Variants in RPL5 observed in about 807,000 individuals in gnomAD.
The protein encoded by RPL5 is large ribosomal subunit protein uL18.
RPL5 carries 1 observed loss-of-function variant against 38.4 expected under a neutral mutation model. The observed-to-expected ratio is 0.03, with a 90% CI of 0.01 to 0.12. The LOEUF (loss-of-function observed/expected upper bound fraction) is 0.12. Among genes scored for constraint, RPL5 ranks in the 10% least tolerant of loss-of-function variants. The probability of loss-of-function intolerance (pLI) is 1.00; values close to 1 mark genes in which losing one functional copy is unlikely to be tolerated. For synonymous variants in RPL5, 109 were observed against 121.2 expected (o/e 0.90, Z 0.66); for missense variants, 243 against 374.1 (o/e 0.65, Z 2.89).
intron 4 of RPL5, chr1:92,835,344 A>T (rs1163841047): frequency 3.8e-6 from 1 of 261,400 alleles, no homozygotes; most frequent in Non-Finnish European, 7.6e-6. Context: ...CAAGTGATTT[A>T]TATGCACATT....
At chr1:92,839,417 T>G (rs1687265085) in intron 6 of RPL5, among the ~76,000 whole-genome samples, 1 of 152,200 alleles carries the variant, frequency 6.6e-6, no homozygotes, top group African/African-American at 2.4e-5. Context: ...GGAAAACTTC[T>G]GACATCTTTC....
At position 92,840,639 on chromosome 1, in the gene RPL5, G is replaced by A; in HGVS notation, c.794G>A (p.Arg265Lys). 1 of 1,605,428 alleles carries A rather than the reference G, an allele frequency of 6.2e-7. No homozygotes were observed. Among genetic ancestry groups the A allele is most frequent in the Non-Finnish European group, 8.5e-7 (1 of 1,178,146 alleles). Residue 265 changes from arginine (R) to lysine (K), a missense_variant and splice_region_variant, in exon 7 of 8, where the codon AGG (arginine) becomes AAG (lysine). By Grantham distance (26) the Arg-to-Lys change is conservative. Transcript: ENST00000370321. ...CCCAAGAAAGAAGTTAAAAAGAAGA[G>A]GTATGTCGTCTTTTTTTTTGTCTTT... ...KKPKKEVKKK[R>K]WNRPKMSLAQ...
Position 92,840,588 on chromosome 1 carries a change from G to A in RPL5, c.743G>A (p.Arg248Gln), listed in dbSNP as rs749410848. 5 of 1,612,844 alleles carry A rather than the reference G, an allele frequency of 3.1e-6. No individual in the cohort carries two copies. Among genetic ancestry groups the A allele is most frequent in the African/African-American group, 1.3e-5 (1 of 74,890 alleles). Residue 248 changes from arginine (R) to glutamine (Q), a missense_variant, in exon 7 of 8, where the codon CGA (arginine) becomes CAA (glutamine). Physicochemically the swap from Arg to Gln is conservative, Grantham distance 43. Coordinates refer to ENST00000370321, the MANE Select transcript of RPL5 (RefSeq NM_000969.5). ...EMYKKAHAAI[R>Q]ENPVYEKKPK... ...TATAAGAAAGCTCATGCTGCTATAC[G>A]AGAGAATCCAGTCTATGAAAAGAAG... is the stretch of plus-strand genomic sequence containing the variant.
chr1:92,838,093 T>C (rs1196950925), intron 6 of RPL5, among the ~76,000 whole-genome samples: 1 of 152,216 alleles, frequency 6.6e-6, no homozygotes, highest in Non-Finnish European at 1.5e-5. Context: ...CCCAAAGTGC[T>C]GGGCTTACAG....
intron 3 of RPL5, 34 bp downstream of exon 3, chr1:92,833,694 T>A: frequency 6.5e-7 from 1 of 1,545,032 alleles, no homozygotes; most frequent in Non-Finnish European, 8.9e-7. Flanking sequence ...CCTTTTTTTA[T>A]TGCTAGAGAA....
chr1:92,833,983 C>T (rs1303325034), intron 3 of RPL5: 3 of 347,544 alleles, frequency 8.6e-6, no homozygotes, highest in Admixed American at 4.4e-5. Flanking sequence ...CGGGGCGCAC[C>T]TGTAGTCCCA....
In RPL5 at chr1:92,841,752, C is replaced by T; in HGVS notation, c.795-14C>T. ...AGTTATAGTTTAAAAAATATATATT[C>T]CTATCTTTTGTAGGTGGAACCGTCC... On this transcript the variant is annotated splice_polypyrimidine_tract_variant and intron_variant, in intron 7 of 7. Transcript: ENST00000370321. 6.4e-7 allele frequency: 1 copy of T among 1,566,140 alleles called. No homozygotes were observed. Among genetic ancestry groups the T allele is most frequent in the South Asian group, 1.1e-5 (1 of 89,692 alleles).
At chr1:92,834,537 G>T (rs980584806) in intron 3 of RPL5, among the ~76,000 whole-genome samples, 1 of 152,186 alleles carries the variant, frequency 6.6e-6, no homozygotes, top group Non-Finnish European at 1.5e-5. Flanking sequence ...CTAAACGTTA[G>T]GTTCCTGAGA....
intron 1 of RPL5, chr1:92,833,026 G>T: frequency 1.3e-6 from 1 of 741,858 alleles, no homozygotes; most frequent in South Asian, 1.4e-5. Context: ...ACAATTACCG[G>T]TGCTGGTCCT....
Position 92,841,919 on chromosome 1 carries a change from C to T in RPL5, c.*54C>T. The stretch of plus-strand genomic sequence containing the variant: ...ATATAGATAATAAACTTATGAACAG[C>T]AACTATTTCTGTGTTAAGCTCTTAT... On this transcript the variant is annotated 3_prime_UTR_variant, in exon 8 of 8. Coordinates refer to ENST00000370321, the MANE Select transcript of RPL5 (RefSeq NM_000969.5). 2.2e-6 allele frequency: 3 copies of T among 1,339,150 alleles called. No homozygotes were observed. The highest frequency in any genetic ancestry group is 3.2e-6 in the Non-Finnish European group (3 of 940,644). The allele number at this position is 1,339,150 out of a possible 1,614,324, so 83.0% of individuals were successfully genotyped here.
At position 92,837,304 on chromosome 1, in the gene RPL5, C is replaced by G. The variant is rs150274458; in HGVS notation, c.528-152C>G. 1.7e-4 allele frequency: 132 copies of G among 786,108 alleles called. 2 individuals carry two copies. In the East Asian group the frequency reaches 3.1e-3, roughly 18 times the overall value. 48.7% of individuals were successfully genotyped at this position (786,108 alleles called of 1,614,324 possible). On this transcript the variant is annotated intron_variant, in intron 5 of 7. Coordinates refer to ENST00000370321, the MANE Select transcript of RPL5 (RefSeq NM_000969.5). ...GAGATGAGCTGCTGAATGATGATATCCCACTAACTGAGCAGTCAGTAGTTG... is the reference window on the plus strand; with the variant it reads ...GAGATGAGCTGCTGAATGATGATATGCCACTAACTGAGCAGTCAGTAGTTG...
intron 1 of RPL5, chr1:92,832,725 G>A: frequency 2.4e-6 from 1 of 421,768 alleles, no homozygotes; most frequent in South Asian, 4.2e-5. Context: ...GTCCGTCGCC[G>A]GATGAGTTTT....
rs557822048 is a variant in RPL5, at chr1:92,839,316, G to A, written c.706-1235G>A. Among the ~76,000 whole-genome samples the A allele has an allele frequency of 1.1e-4, 17 of 152,240 alleles. No homozygotes were observed. The East Asian group carries it at 3.1e-3, about 28-fold the overall frequency. On this transcript the variant is annotated intron_variant, in intron 6 of 7. Transcript: ENST00000370321. ...GGAGGTTGCACTGAGCTGGGATCGC[G>A]CTACTGCACTCCAGCCTGGGCAACA...
intron 1 of RPL5, 187 bp downstream of exon 1, chr1:92,832,304 G>T: frequency 3.4e-6 from 3 of 892,894 alleles, no homozygotes; most frequent in East Asian, 2.6e-5. Context: ...GCGAACTTGG[G>T]GGGAGGGGTT....
intron 5 of RPL5, chr1:92,836,634 G>T: frequency 1.9e-6 from 1 of 517,010 alleles, no homozygotes. Context: ...AAAGAGATGG[G>T]ATTGAAACCA....
chr1:92,833,726 A>C, intron 3 of RPL5, 66 bp downstream of exon 3: 2 of 1,303,870 alleles, frequency 1.5e-6, no homozygotes, highest in Non-Finnish European at 2.2e-6. Context: ...GAAGCAAAGC[A>C]CATGGTGTGT....
chr1:92,835,652 CTG>C (rs935759317), intron 4 of RPL5, among the ~76,000 whole-genome samples: 8 of 101,770 alleles, frequency 7.9e-5, no homozygotes, highest in Admixed American at 3.7e-4. Context: ...AAGAGCGAAA[CTG>C]TGTCTCAAAA....
In RPL5 at chr1:92,840,635, A is replaced by G; in HGVS notation, c.790A>G (p.Lys264Glu). 6.2e-7 allele frequency: 1 copy of G among 1,607,310 alleles called. No homozygotes were observed. The highest frequency in any genetic ancestry group is 8.5e-7 in the Non-Finnish European group (1 of 1,179,116). ...GAAGCCCAAGAAAGAAGTTAAAAAG[A>G]AGAGGTATGTCGTCTTTTTTTTTGT... ...EKKPKKEVKK[K>E]RWNRPKMSLA... Residue 264 changes from lysine (K) to glutamate (E), a missense_variant, in exon 7 of 8, where the codon AAG (lysine) becomes GAG (glutamate). Transcript: ENST00000370321.
chr1:92,836,445 T>C (rs1224620569), intron 5 of RPL5, 53 bp downstream of exon 5: 1 of 1,515,310 alleles, frequency 6.6e-7, no homozygotes, highest in African/African-American at 1.4e-5. Flanking sequence ...TTCCCTGTTT[T>C]TAACTAGTTG....
Sources: gnomAD v4.1 joint callset for allele counts (sites outside exome capture counted in the v4.1 genomes callset) on GRCh38, gnomAD v4.1.1 for gene constraint, MANE v1.5 for transcripts, NCBI Gene and HGNC (gene_info 2026-07-23, HGNC 2026-07-21) for gene names.